Variants in NDEL1 observed in about 807,000 individuals in gnomAD.
The protein encoded by NDEL1 is nudE neurodevelopment protein 1 like 1, also known as nuclear distribution protein nudE-like 1.
In NDEL1, 9 loss-of-function variants were observed where a neutral mutation model predicts 45.7. The ratio of observed to expected loss-of-function variants is 0.20; its 90% CI spans 0.12 to 0.34. The LOEUF (loss-of-function observed/expected upper bound fraction) is 0.34. Ranked by LOEUF, NDEL1 falls within the 10% of genes least tolerant of loss-of-function variation. The pLI is 1.00. For synonymous variants in NDEL1, 133 were observed against 158.6 expected (o/e 0.84, Z 1.21); for missense variants, 306 against 406.2 (o/e 0.75, Z 2.12).
At chr17:8,422,075 A>G (rs890996203) in intron 1 of NDEL1, among the ~76,000 whole-genome samples, 5 of 152,206 alleles carry the variant, frequency 3.3e-5, no homozygotes, top group African/African-American at 1.2e-4. Context: ...TTCTCACACC[A>G]GTGTGGGAGC....
chr17:8,449,599 T>G (rs1910333726), intron 5 of NDEL1, among the ~76,000 whole-genome samples: 2 of 152,256 alleles, frequency 1.3e-5, no homozygotes, highest in Non-Finnish European at 1.5e-5. Flanking sequence ...CTATTTTCTA[T>G]GAGTTCAGCT....
intron 8 of NDEL1, among the ~76,000 whole-genome samples, chr17:8,462,400 T>C (rs764547863): frequency 3.9e-5 from 6 of 152,186 alleles, no homozygotes; most frequent in South Asian, 2.1e-4. Context: ...ATAACTCTTT[T>C]GTGGGTTTTG....
At chr17:8,455,144 T>C (rs541999617) in intron 7 of NDEL1, among the ~76,000 whole-genome samples, 3 of 152,342 alleles carry the variant, frequency 2.0e-5, no homozygotes, top group African/African-American at 7.2e-5. Flanking sequence ...AACAGCACGA[T>C]GCCTCTGTCC....
At chr17:8,444,386 G>A in intron 2 of NDEL1, 29 bp downstream of exon 2, 1 of 1,487,910 alleles carries the variant, frequency 6.7e-7, no homozygotes, top group Non-Finnish European at 9.3e-7. Context: ...CTAAAAGTAG[G>A]GGAGGGCATT....
Position 8,466,940 on chromosome 17 carries a change from G to A in NDEL1, c.955G>A (p.Gly319Ser), listed in dbSNP as rs144636150. ...TSFFDKGAVN[G>S]FDPAPPPPGL... The stretch of plus-strand genomic sequence containing the variant: ...TGGTTGCTCCCACAGGGCAGTAAAC[G>A]GCTTTGACCCCGCTCCTCCTCCTCC... The change falls in exon 9 of 9, where the codon GGC becomes AGC. Residue 319 changes from glycine to serine, a missense_variant. By Grantham distance (56) the Gly-to-Ser change is moderately conservative (BLOSUM62 0). This residue lies in a region of NDEL1 where 175 missense variants were observed against 205.2 expected (regional missense o/e 0.85). Transcript: ENST00000334527. 1.8e-4 allele frequency: 293 copies of A among 1,614,154 alleles called. No individual in the cohort carries two copies. Among genetic ancestry groups the A allele is most frequent in the Admixed American group, 5.2e-4 (31 of 60,024 alleles).
chr17:8,440,948 C>G (rs1351574878), intron 1 of NDEL1, among the ~76,000 whole-genome samples: 1 of 152,198 alleles, frequency 6.6e-6, no homozygotes, highest in Non-Finnish European at 1.5e-5. Flanking sequence ...AATCCTAACT[C>G]TTTTCGTAGA....
intron 4 of NDEL1, among the ~76,000 whole-genome samples, chr17:8,447,296 C>T (rs1420280563): frequency 6.6e-6 from 1 of 152,174 alleles, no homozygotes; most frequent in African/African-American, 2.4e-5. Context: ...GCATGTGCCA[C>T]CACACCCAGC....
intron 1 of NDEL1, among the ~76,000 whole-genome samples, chr17:8,416,587 A>T (rs1908551415): frequency 6.6e-6 from 1 of 151,990 alleles, no homozygotes; most frequent in Non-Finnish European, 1.5e-5. Context: ...ATGTCTGTGG[A>T]AGTTTTTAGG....
At chr17:8,461,983 C>T (rs1456537160) in intron 8 of NDEL1, among the ~76,000 whole-genome samples, 3 of 152,002 alleles carry the variant, frequency 2.0e-5, no homozygotes, top group African/African-American at 7.3e-5. Flanking sequence ...CTACTCCTGC[C>T]CGCCACTTGC....
At chr17:8,432,353 A>T (rs916940891), upstream of NDEL1, among the ~76,000 whole-genome samples, 43 of 5,796 alleles carry the variant, frequency 7.4e-3, no homozygotes, top group Admixed American at 0.022. Context: ...TATAAATATA[A>T]ATATAAATAT....
intron 1 of NDEL1, among the ~76,000 whole-genome samples, chr17:8,427,159 A>G (rs1192209385): frequency 6.6e-6 from 1 of 152,216 alleles, no homozygotes; most frequent in East Asian, 1.9e-4. Flanking sequence ...CTGGAGTTTG[A>G]AAGTGTGGGG....
At chr17:8,446,665 T>G (rs1246861446) in intron 3 of NDEL1, 89 bp from the exon 4 acceptor site, 7 of 1,265,576 alleles carry the variant, frequency 5.5e-6, no homozygotes, top group Non-Finnish European at 6.2e-6. Flanking sequence ...ATTCCTTGGG[T>G]TCCCCCCCAC....
intron 7 of NDEL1, among the ~76,000 whole-genome samples, chr17:8,455,200 C>T (rs888784137): frequency 3.9e-5 from 6 of 152,216 alleles, no homozygotes; most frequent in Non-Finnish European, 8.8e-5. Context: ...TCTTCTACCA[C>T]CCTCATCCTG....
At chr17:8,468,635 G>A (rs987670793), downstream of NDEL1, among the ~76,000 whole-genome samples, 1 of 152,256 alleles carries the variant, frequency 6.6e-6, no homozygotes, top group Non-Finnish European at 1.5e-5. Context: ...ATTGAAGAAC[G>A]CGTAAACTGG....
intron 1 of NDEL1, among the ~76,000 whole-genome samples, chr17:8,419,023 T>A (rs1908640449): frequency 6.6e-6 from 1 of 151,842 alleles, no homozygotes; most frequent in Admixed American, 6.6e-5. Flanking sequence ...TATTTTTTTT[T>A]ATTTTGTATA....
chr17:8,472,375 T>C (rs113166952), downstream of NDEL1, among the ~76,000 whole-genome samples: 1,899 of 152,262 alleles, frequency 0.012, 33 homozygotes, highest in African/African-American at 0.043. Context: ...AGGTGTTAGC[T>C]GGGCATGGTG....
chr17:8,416,762 C>T (rs956264232), intron 1 of NDEL1, among the ~76,000 whole-genome samples: 13 of 152,228 alleles, frequency 8.5e-5, no homozygotes, highest in African/African-American at 2.9e-4. Context: ...CCTCATTTCC[C>T]CTGTACTTGC....
chr17:8,442,766 T>G lies in NDEL1; in HGVS notation c.-12-1494T>G, dbSNP rs568705065. Among the ~76,000 whole-genome samples the G allele has an allele frequency of 6.7e-5, 10 of 148,582 alleles. No homozygotes were observed. The South Asian group carries it at 2.1e-3, about 31-fold the overall frequency. ...CCAAGTTCTATGCATCTCCAGGTTT[T>G]TATTTATTTACTTTTTTTTTTTTTT... On this transcript the variant is annotated intron_variant, in intron 1 of 8. Transcript: ENST00000334527.
chr17:8,470,189 C>G (rs1911802923), downstream of NDEL1, among the ~76,000 whole-genome samples: 1 of 152,142 alleles, frequency 6.6e-6, no homozygotes, highest in African/African-American at 2.4e-5. The surrounding 1 kb of genome is among the most constrained non-coding windows in gnomAD (Gnocchi z 4.2). Flanking sequence ...TACCGTTTGC[C>G]TGTCTAGCTG....
Sources: gnomAD v4.1 joint callset for allele counts (sites outside exome capture counted in the v4.1 genomes callset) on GRCh38, gnomAD v4.1.1 for gene constraint, gnomAD v4.1.1 regional missense constraint, Gnocchi (gnomAD v3.1) non-coding constraint, MANE v1.5 for transcripts, NCBI Gene and HGNC (gene_info 2026-07-23, HGNC 2026-07-21) for gene names.